PHACTR2: variants seen among roughly 807,000 people sequenced by gnomAD.
PHACTR2 encodes the protein chromosome 6 open reading frame 56.
Under a neutral mutation model 76.0 loss-of-function variants are expected in PHACTR2, and 30 were observed. The ratio of observed to expected loss-of-function variants is 0.39; its 90% CI spans 0.30 to 0.54. The LOEUF is 0.54. PHACTR2 is among the 20% of genes least tolerant of loss of function. The pLI is 0.61. For synonymous variants in PHACTR2, 292 were observed against 292.5 expected (o/e 1.00, Z 0.02); for missense variants, 696 against 781.1 (o/e 0.89, Z 1.30).
In PHACTR2 at chr6:143,542,363, A is replaced by G. The variant is rs563846552; in HGVS notation, c.217+5156A>G. Among the ~76,000 whole-genome samples, 6 of 152,258 alleles carry G rather than the reference A, an allele frequency of 3.9e-5. No individual in the cohort carries two copies. In the South Asian group the frequency reaches 1.2e-3, roughly 32 times the overall value. ...TCTTACCAAGTTACCATAGCAGCTG[A>G]TGACAGTCCTGTATCAGAGCTTGGC... is the stretch of plus-strand genomic sequence containing the variant. On this transcript the variant is annotated intron_variant, in intron 1 of 11. Transcript: ENST00000367584.
intron 1 of PHACTR2, among the ~76,000 whole-genome samples, chr6:143,563,389 C>T (rs1009215607): frequency 7.2e-5 from 6 of 83,910 alleles, no homozygotes; most frequent in South Asian, 3.9e-4. Context: ...ATGGTGAAAC[C>T]GCATCTCTAC....
In PHACTR2 at chr6:143,611,523, C is replaced by T. The variant is rs928802873; in HGVS notation, c.13+3201C>T. ...AGTGACTGTGAACAAGTAATAGAAA[C>T]TCTATGCATTTAATTTTCTCATTGG... On this transcript the variant is annotated intron_variant, in intron 1 of 11. Coordinates refer to the PHACTR2 transcript ENST00000305766. This position sits in a 1 kb window ranked among gnomAD's most constrained non-coding sequence, Gnocchi z 4.4. 2.2e-4 allele frequency among the ~76,000 whole-genome samples: 34 copies of T among 152,146 alleles called. No homozygotes were observed. The highest frequency in any genetic ancestry group is 8.0e-4 in the African/African-American group (33 of 41,432).
At chr6:143,768,673 A>G (rs1175394545) in intron 6 of PHACTR2, among the ~76,000 whole-genome samples, 2 of 152,246 alleles carry the variant, frequency 1.3e-5, no homozygotes, top group African/African-American at 2.4e-5. Context: ...TCTCAAGTAT[A>G]TGAAGAACTG....
In PHACTR2 at chr6:143,807,282, T is replaced by C. The variant is rs984241419; in HGVS notation, c.1922+149T>C. On this transcript the variant is annotated intron_variant, in intron 12 of 12. Transcript: ENST00000440869. This position sits in a 1 kb window ranked among gnomAD's most constrained non-coding sequence, Gnocchi z 5.5. ...AAAAATGTTTTTAAACAGTTTAGCT[T>C]AAAACCATCTTATGAACATTTCCGC... The C allele has an allele frequency of 3.4e-6, 2 of 582,394 alleles. No individual in the cohort carries two copies. The highest frequency in any genetic ancestry group is 6.2e-6 in the Non-Finnish European group (2 of 324,354). 36.1% of individuals were successfully genotyped at this position (582,394 alleles called of 1,614,324 possible). A position where few individuals can be genotyped will look rare whatever the true frequency, so the allele number is the denominator to read the frequency against.
rs537420491 is a variant in PHACTR2 at position 143,647,888 on chromosome 6, T to C, written c.13+39566T>C. Among the ~76,000 whole-genome samples the C allele has an allele frequency of 3.9e-4, 59 of 152,110 alleles. No homozygotes were observed. Among genetic ancestry groups the C allele is most frequent in the South Asian group, 8.3e-4 (4 of 4,822 alleles). On this transcript the variant is annotated intron_variant, in intron 1 of 11. Transcript: ENST00000305766. This position sits in a 1 kb window ranked among gnomAD's most constrained non-coding sequence, Gnocchi z 4.2. ...TAGCCACAGCCAACTCAGGGAGGCG[T>C]TGTAGGCCCTGGTAAGGATTTAGGA...
intron 1 of PHACTR2, among the ~76,000 whole-genome samples, chr6:143,564,167 ATATATGTGTGTGTG>A (rs1415711747): frequency 1.4e-5 from 1 of 73,434 alleles, no homozygotes; most frequent in Non-Finnish European, 3.2e-5. Flanking sequence ...GTGTGTGTGC[ATATATGTGTGTGTG>A]TATGTGTGTG....
chr6:143,796,415 C>G (rs779661854), intron 11 of PHACTR2, among the ~76,000 whole-genome samples: 8 of 96,412 alleles, frequency 8.3e-5, no homozygotes, highest in South Asian at 4.3e-4. Flanking sequence ...TTCTTTCTTT[C>G]TTTGTTTTTA....
In PHACTR2 at chr6:143,621,176, G is replaced by T. The variant is rs957151644; in HGVS notation, c.13+12854G>T. On this transcript the variant is annotated intron_variant, in intron 1 of 11. Transcript: ENST00000305766. The surrounding 1 kb of genome is among the most constrained non-coding windows in gnomAD (Gnocchi z 4.1). ...TTTCAGAGAAGGGATTGGAGGATTG[G>T]GTAGGGAATGTGGACAGATTATAGG... Among the ~76,000 whole-genome samples the T allele has an allele frequency of 2.0e-5, 3 of 152,202 alleles. No individual in the cohort carries two copies. The highest frequency in any genetic ancestry group is 4.4e-5 in the Non-Finnish European group (3 of 68,046).
intron 1 of PHACTR2, among the ~76,000 whole-genome samples, chr6:143,705,429 G>C (rs996424179): frequency 6.6e-5 from 10 of 151,850 alleles, no homozygotes; most frequent in Admixed American, 2.0e-4. Flanking sequence ...CGAGTAGCTG[G>C]GACTACAGGC....
intron 1 of PHACTR2, among the ~76,000 whole-genome samples, chr6:143,661,415 G>A (rs1216265091): frequency 6.6e-6 from 1 of 151,828 alleles, no homozygotes; most frequent in Non-Finnish European, 1.5e-5. Context: ...AATATTTAGA[G>A]CAAAACAAAA....
At chr6:143,661,710 C>A (rs1776948907) in intron 1 of PHACTR2, among the ~76,000 whole-genome samples, 1 of 151,986 alleles carries the variant, frequency 6.6e-6, no homozygotes, top group Non-Finnish European at 1.5e-5. Flanking sequence ...CATGCACCAC[C>A]ACACCTGGCT....
Position 143,571,681 on chromosome 6 carries a change from A to C in PHACTR2, c.217+34474A>C, listed in dbSNP as rs1775448348. Among the ~76,000 whole-genome samples the C allele has an allele frequency of 6.6e-6, 1 of 151,852 alleles. No homozygotes were observed. The highest frequency in any genetic ancestry group is 1.5e-5 in the Non-Finnish European group (1 of 67,998). On this transcript the variant is annotated intron_variant, in intron 1 of 11. Transcript: ENST00000367584. The surrounding 1 kb of genome is among the most constrained non-coding windows in gnomAD (Gnocchi z 4.6). The stretch of plus-strand genomic sequence containing the variant: ...CATTGTTGTACAATTGGCTATCGAG[A>C]GTTTGGTACAAGTTTACTCCTGTGT...
intron 2 of PHACTR2, among the ~76,000 whole-genome samples, chr6:143,716,788 G>T (rs1028136752): frequency 7.2e-5 from 11 of 152,230 alleles, no homozygotes; most frequent in Non-Finnish European, 1.6e-4. Flanking sequence ...CTAAGCCTGT[G>T]GTGCTGGAGC....
In PHACTR2 at chr6:143,563,560, A is replaced by AAAACAAAC. The variant is rs1554287764; in HGVS notation, c.217+26356_217+26357insCAAACAAA. Among the ~76,000 whole-genome samples the AAAACAAAC allele has an allele frequency of 9.3e-3, 1,330 of 143,232 alleles. 21 individuals are homozygous for AAAACAAAC. The highest frequency in any genetic ancestry group is 0.054 in the Middle Eastern group (16 of 294). The allele number at this position is 143,232 out of a possible 152,430, so 94.0% of individuals were successfully genotyped here. On this transcript the variant is annotated intron_variant, in intron 1 of 11. Coordinates refer to the PHACTR2 transcript ENST00000367584. ...GACACAAACTCCGTCTCAAAAAAAA[A>AAAACAAAC]AAAAAAAAAAAGAAGAAACCCTGTG...
chr6:143,739,752 T>G lies in PHACTR2; in HGVS notation c.215-9233T>G, dbSNP rs1301832464. 6.6e-6 allele frequency among the ~76,000 whole-genome samples: 1 copy of G among 152,162 alleles called. No homozygotes were observed. Among genetic ancestry groups the G allele is most frequent in the Non-Finnish European group, 1.5e-5 (1 of 68,036 alleles). ...TCATTGTTTGAATCTTGGACCTTTATTCCTTCGGAATTAGAACCATAGGTC... is the reference window on the plus strand; with the variant it reads ...TCATTGTTTGAATCTTGGACCTTTAGTCCTTCGGAATTAGAACCATAGGTC... On this transcript the variant is annotated intron_variant, in intron 2 of 12. Coordinates refer to ENST00000440869, the MANE Select transcript of PHACTR2 (RefSeq NM_001100164.2). The surrounding 1 kb of genome is among the most constrained non-coding windows in gnomAD (Gnocchi z 4.3).
Position 143,777,663 on chromosome 6 carries a change from CT to C in PHACTR2, c.1645+283del, listed in dbSNP as rs1404309964. Among the ~76,000 whole-genome samples, 5 of 152,050 alleles carry C rather than the reference CT, an allele frequency of 3.3e-5. No individual in the cohort carries two copies. Among genetic ancestry groups the C allele is most frequent in the Non-Finnish European group, 5.9e-5 (4 of 67,992 alleles). ...AAAGATGAAATATATTCCATGTATT[CT>C]TTCACCCAAATATTAAATAGAAAAA... On this transcript the variant is annotated intron_variant, in intron 9 of 12. Coordinates refer to ENST00000440869, the MANE Select transcript of PHACTR2 (RefSeq NM_001100164.2). The surrounding 1 kb of genome is among the most constrained non-coding windows in gnomAD (Gnocchi z 4.6).
At chr6:143,691,497 T>C (rs1482012215) in intron 1 of PHACTR2, among the ~76,000 whole-genome samples, 1 of 152,206 alleles carries the variant, frequency 6.6e-6, no homozygotes, top group Non-Finnish European at 1.5e-5. Context: ...CAGAAACCTG[T>C]TTGCTTTTAT....
intron 1 of PHACTR2, among the ~76,000 whole-genome samples, chr6:143,668,335 C>CT (rs1383575884): frequency 6.6e-6 from 1 of 152,062 alleles, no homozygotes; most frequent in Non-Finnish European, 1.5e-5. Context: ...CTGAAATTTT[C>CT]TTTTTTTGTG....
Position 143,750,924 on chromosome 6 carries a change from G to A in PHACTR2, c.295+1859G>A, listed in dbSNP as rs577885339. Among the ~76,000 whole-genome samples, 11 of 152,290 alleles carry A rather than the reference G, an allele frequency of 7.2e-5. No homozygotes were observed. The highest frequency in any genetic ancestry group is 1.2e-4 in the Non-Finnish European group (8 of 68,038). On this transcript the variant is annotated intron_variant, in intron 3 of 12. Transcript: ENST00000440869. The surrounding 1 kb of genome is among the most constrained non-coding windows in gnomAD (Gnocchi z 4.6). ...TTTTCCATGGTCCCTATCTAGAACC[G>A]TAGAAATTATCTAATGGTTGAAGGT...
Sources: gnomAD v4.1 joint callset for allele counts (sites outside exome capture counted in the v4.1 genomes callset) on GRCh38, gnomAD v4.1.1 for gene constraint, Gnocchi (gnomAD v3.1) non-coding constraint, MANE v1.5 for transcripts, NCBI Gene and HGNC (gene_info 2026-07-23, HGNC 2026-07-21) for gene names.